The following IHO1 variants were observed in gnomAD, a reference collection of about 807,000 sequenced individuals.
The protein encoded by IHO1 is interactor of HORMAD1 1.
A neutral mutation model predicts 31.0 loss-of-function variants in IHO1; 13 were observed. That is an observed-to-expected ratio of 0.42 (90% CI 0.27 to 0.67). The LOEUF (loss-of-function observed/expected upper bound fraction) is 0.67. Among genes scored for constraint, IHO1 ranks in the 30% least tolerant of loss-of-function variants. IHO1 has a pLI of 0.24. For missense variants in IHO1, 599 were observed against 687.5 expected (o/e 0.87, Z 1.44); for synonymous variants, 221 against 248.4 (o/e 0.89, Z 1.04).
chr3:49,239,511 A>G (rs1414091446), intron 3 of IHO1, among the ~76,000 whole-genome samples: 1 of 150,252 alleles, frequency 6.7e-6, no homozygotes, highest in Admixed American at 6.6e-5. Flanking sequence ...CAATCTCCTG[A>G]CCTCATGACC....
chr3:49,249,143 C>A (rs932856457), intron 6 of IHO1, among the ~76,000 whole-genome samples: 4 of 152,188 alleles, frequency 2.6e-5, no homozygotes, highest in African/African-American at 4.8e-5. Flanking sequence ...CTAACTCTTC[C>A]TGTTCTTCAG....
intron 3 of IHO1, 74 bp downstream of exon 3, chr3:49,236,796 T>C (rs146098103): frequency 2.1e-6 from 3 of 1,442,020 alleles, no homozygotes; most frequent in African/African-American, 1.4e-5. Flanking sequence ...AGAATACTTA[T>C]TCTGGCCAGG....
intron 4 of IHO1, among the ~76,000 whole-genome samples, chr3:49,243,494 C>T (rs1361686369): frequency 6.6e-6 from 1 of 151,804 alleles, no homozygotes; most frequent in Non-Finnish European, 1.5e-5. Flanking sequence ...CGCGGTGGCT[C>T]ACGGCTGTAA....
intron 1 of IHO1, among the ~76,000 whole-genome samples, chr3:49,209,291 T>G (rs2046178566): frequency 6.6e-6 from 1 of 152,190 alleles, no homozygotes; most frequent in Non-Finnish European, 1.5e-5. Context: ...ACTCACCCCT[T>G]TGATGCTGGC....
At chr3:49,234,971 C>T (rs2046537681) in intron 2 of IHO1, among the ~76,000 whole-genome samples, 1 of 151,784 alleles carries the variant, frequency 6.6e-6, no homozygotes, top group Admixed American at 6.6e-5. Context: ...CTCAGCCTCC[C>T]AAGTAGCTGG....
chr3:49,208,150 G>T (rs2046164433), intron 1 of IHO1, among the ~76,000 whole-genome samples: 1 of 152,186 alleles, frequency 6.6e-6, no homozygotes, highest in Non-Finnish European at 1.5e-5. Context: ...ATGCTTTTCT[G>T]TGTGTTCTTG....
chr3:49,195,512 T>TA (rs1348942872), upstream of IHO1, among the ~76,000 whole-genome samples: 1 of 149,306 alleles, frequency 6.7e-6, no homozygotes, highest in African/African-American at 2.5e-5. Context: ...GGTCAGGAGA[T>TA]AGAGACCATC....
At position 49,256,616 on chromosome 3, in the gene IHO1, C is replaced by G; in HGVS notation, c.1119C>G (p.Ser373Arg). 1 of 1,614,240 alleles carries G rather than the reference C, an allele frequency of 6.2e-7. No homozygotes were observed. The highest frequency in any genetic ancestry group is 1.1e-5 in the South Asian group (1 of 91,088). ...CAGGTGCCAAGAACCATGGTTCCAG[C>G]GTCCCAGGCCATAAGATTCCCAGTG... ...TKTGAKNHGSSVPGHKIPSDR... is the reference protein window; with the variant it reads ...TKTGAKNHGSRVPGHKIPSDR... The change falls in exon 8 of 8, where the codon AGC becomes AGG. Residue 373 changes from serine (S) to arginine (R), a missense_variant. Transcript: ENST00000452691. This position sits in a 1 kb window ranked among gnomAD's most constrained non-coding sequence, Gnocchi z 4.6.
At chr3:49,218,847 T>TA (rs1196766356) in intron 2 of IHO1, among the ~76,000 whole-genome samples, 1 of 152,052 alleles carries the variant, frequency 6.6e-6, no homozygotes, top group Non-Finnish European at 1.5e-5. Flanking sequence ...CCGTGTACCT[T>TA]ACAATGACAA....
chr3:49,216,580 A>G (rs1348554665), intron 2 of IHO1, among the ~76,000 whole-genome samples: 1 of 152,220 alleles, frequency 6.6e-6, no homozygotes, highest in East Asian at 1.9e-4. Context: ...GGACATAGGC[A>G]TGGGCAAAGA....
At chr3:49,197,949 G>A (rs1389075189), upstream of IHO1, among the ~76,000 whole-genome samples, 2 of 151,396 alleles carry the variant, frequency 1.3e-5, no homozygotes, top group Non-Finnish European at 2.9e-5. Context: ...CTGCCTAGTC[G>A]TAATCTTTCC....
At chr3:49,239,081 C>T (rs2046594609) in intron 3 of IHO1, among the ~76,000 whole-genome samples, 1 of 152,160 alleles carries the variant, frequency 6.6e-6, no homozygotes, top group African/African-American at 2.4e-5. Flanking sequence ...AAGCAATTAT[C>T]ATGCCTCAGC....
At chr3:49,225,765 G>C (rs1178055858) in intron 2 of IHO1, among the ~76,000 whole-genome samples, 1 of 152,204 alleles carries the variant, frequency 6.6e-6, no homozygotes, top group Admixed American at 6.5e-5. Flanking sequence ...GTACTCCTTG[G>C]ATGGTAACAG....
At chr3:49,237,832 A>AAT (rs1408081084) in intron 3 of IHO1, among the ~76,000 whole-genome samples, 4 of 149,876 alleles carry the variant, frequency 2.7e-5, no homozygotes, top group Admixed American at 2.0e-4. Context: ...TAAAGGCCAG[A>AAT]ATGAGGAACA....
At chr3:49,218,720 G>A (rs2046318119) in intron 2 of IHO1, among the ~76,000 whole-genome samples, 1 of 152,150 alleles carries the variant, frequency 6.6e-6, no homozygotes, top group Admixed American at 6.5e-5. Flanking sequence ...ATAGAGCCAA[G>A]TATGAACTTA....
chr3:49,224,311 CT>C (rs150138595), intron 2 of IHO1, among the ~76,000 whole-genome samples: 4,478 of 152,242 alleles, frequency 0.029, 102 homozygotes, highest in Non-Finnish European at 0.042. Context: ...CAATTTTGGC[CT>C]CAGCATCTGC....
intron 1 of IHO1, among the ~76,000 whole-genome samples, chr3:49,200,335 C>T (rs559175718): frequency 8.6e-4 from 130 of 151,678 alleles, no homozygotes; most frequent in Non-Finnish European, 1.3e-3. Flanking sequence ...CGTGGTGGCG[C>T]ATGCCTGTAA....
rs1402600782 is a variant in IHO1 at position 49,220,183 on chromosome 3, ATAT to A, written c.56+8351_56+8353del. Reference sequence around the variant, plus strand: ...ATACACCCCACAGATCAACAGGGAAATATTATAGCTACATTTGAGCCTTTTCCT... The same window carrying A: ...ATACACCCCACAGATCAACAGGGAAATATAGCTACATTTGAGCCTTTTCCT... On this transcript the variant is annotated intron_variant, in intron 2 of 7. Coordinates refer to ENST00000452691, the MANE Select transcript of IHO1 (RefSeq NM_001135197.2). Among the ~76,000 whole-genome samples the A allele has an allele frequency of 4.6e-5, 7 of 152,352 alleles. No homozygotes were observed. In the East Asian group the frequency reaches 9.6e-4, roughly 21 times the overall value.
rs1421593668 is a variant in IHO1 at position 49,219,781 on chromosome 3, C to T, written c.56+7945C>T. On this transcript the variant is annotated intron_variant, in intron 2 of 7. Transcript: ENST00000452691. ...CCTGTGGTGAGTAAGAAGGGGAGCT[C>T]GGAAGCATCAGGGTAACAATGGGAC... Among the ~76,000 whole-genome samples the T allele has an allele frequency of 3.9e-5, 6 of 152,096 alleles. No individual in the cohort carries two copies. In the South Asian group the frequency reaches 8.3e-4, roughly 21 times the overall value.
Sources: gnomAD v4.1 joint callset for allele counts (sites outside exome capture counted in the v4.1 genomes callset) on GRCh38, gnomAD v4.1.1 for gene constraint, Gnocchi (gnomAD v3.1) non-coding constraint, MANE v1.5 for transcripts, NCBI Gene and HGNC (gene_info 2026-07-23, HGNC 2026-07-21) for gene names.